SHOC2: variants seen among roughly 807,000 people sequenced by gnomAD.
SHOC2 encodes SHOC2 leucine rich repeat scaffold protein.
A neutral mutation model predicts 50.2 loss-of-function variants in SHOC2; 4 were observed. The ratio of observed to expected loss-of-function variants is 0.08; its 90% confidence interval spans 0.04 to 0.18. The LOEUF is 0.18. SHOC2 is among the 10% of genes least tolerant of loss of function. The pLI is 1.00. For missense variants in SHOC2, 388 were observed against 669.6 expected (o/e 0.58, Z 4.64); for synonymous variants, 218 against 244.5 (o/e 0.89, Z 1.01).
chr10:110,946,769 G>A (rs1459041072), intron 1 of SHOC2, among the ~76,000 whole-genome samples: 1 of 152,128 alleles, frequency 6.6e-6, no homozygotes, highest in African/African-American at 2.4e-5. Flanking sequence ...AAGTGTAGGG[G>A]CTAGATCATG....
At chr10:110,977,531 C>G (rs1341739989) in intron 2 of SHOC2, among the ~76,000 whole-genome samples, 1 of 152,176 alleles carries the variant, frequency 6.6e-6, no homozygotes, top group African/African-American at 2.4e-5. Flanking sequence ...AGGCGTGAGC[C>G]ACCGTACCCA....
At chr10:110,939,417 C>T (rs1203752441) in intron 1 of SHOC2, among the ~76,000 whole-genome samples, 5 of 151,930 alleles carry the variant, frequency 3.3e-5, no homozygotes, top group African/African-American at 1.2e-4. Flanking sequence ...ATAGGGTTTC[C>T]TTATGTTGCC....
At chr10:110,957,309 C>T (rs1399243698) in intron 1 of SHOC2, among the ~76,000 whole-genome samples, 2 of 152,128 alleles carry the variant, frequency 1.3e-5, no homozygotes, top group Admixed American at 6.6e-5. Context: ...TAAATCAGCT[C>T]ATTTCTTTAC....
At chr10:110,947,504 C>T (rs926904627) in intron 1 of SHOC2, among the ~76,000 whole-genome samples, 9 of 152,104 alleles carry the variant, frequency 5.9e-5, no homozygotes, top group South Asian at 2.1e-4. Flanking sequence ...ATCAGGGAAA[C>T]GTGACACCAT....
intron 5 of SHOC2, among the ~76,000 whole-genome samples, chr10:111,005,716 G>C (rs1159316354): frequency 1.3e-5 from 2 of 152,108 alleles, no homozygotes; most frequent in Non-Finnish European, 2.9e-5. Context: ...ATTGCAAAAG[G>C]AGAAAACAAA....
intron 1 of SHOC2, among the ~76,000 whole-genome samples, chr10:110,935,139 CACTT>C (rs534681075): frequency 4.0e-4 from 61 of 152,272 alleles, no homozygotes; most frequent in Middle Eastern, 6.8e-3. Flanking sequence ...TAATATCTAA[CACTT>C]ACGTAGTGCT....
chr10:110,922,979 G>A (rs541928390), intron 1 of SHOC2, among the ~76,000 whole-genome samples: 2 of 152,130 alleles, frequency 1.3e-5, no homozygotes, highest in South Asian at 4.1e-4. Flanking sequence ...CTTGTTGGTA[G>A]ACCTGTATTT....
chr10:110,964,848 T>C lies in SHOC2; in HGVS notation c.490T>C (p.Ser164Pro). The C allele has an allele frequency of 6.2e-7, 1 of 1,614,056 alleles. No homozygotes were observed. Among genetic ancestry groups the C allele is most frequent in the Non-Finnish European group, 8.5e-7 (1 of 1,179,956 alleles). ...AAATTCACTTACCAGTTTGCCTGAC[T>C]CTCTTGATAACTTGAAGAAGCTGCG... is the stretch of plus-strand genomic sequence containing the variant. ...SENSLTSLPDSLDNLKKLRML... is the reference protein window; with the variant it reads ...SENSLTSLPDPLDNLKKLRML... Residue 164 changes from serine (S) to proline (P), a missense_variant, in exon 2 of 9, where the codon TCT becomes CCT. Coordinates refer to ENST00000369452, the MANE Select transcript of SHOC2 (RefSeq NM_007373.4). The surrounding 1 kb of genome is among the most constrained non-coding windows in gnomAD (Gnocchi z 4.9).
chr10:110,953,049 T>C (rs1847386502), intron 1 of SHOC2, among the ~76,000 whole-genome samples: 1 of 152,226 alleles, frequency 6.6e-6, no homozygotes, highest in South Asian at 2.1e-4. Context: ...GTCTTTATAT[T>C]AGAATGATTT....
chr10:111,008,783 A>G (rs1280369346), intron 6 of SHOC2, among the ~76,000 whole-genome samples: 2 of 152,100 alleles, frequency 1.3e-5, no homozygotes, highest in African/African-American at 4.8e-5. Context: ...ACTTTATCGG[A>G]ACAAAGGCTA....
In SHOC2 at chr10:110,964,928, G is replaced by A. The variant is rs977995849; in HGVS notation, c.570G>A (p.Arg190=). 1.2e-6 allele frequency: 2 copies of A among 1,613,558 alleles called. No homozygotes were observed. Among genetic ancestry groups the A allele is most frequent in the African/African-American group, 2.7e-5 (2 of 74,868 alleles). The part of the protein sequence containing the change: ...KLREIPSVVY[R]LDSLTTLYLR... ...GAGAAATTCCTTCAGTGGTGTATAG[G>A]CTGGATTCTCTCACCACTCTTTACC... The change falls in exon 2 of 9, where the codon AGG becomes AGA. Residue 190 remains arginine (R), a synonymous_variant. Transcript: ENST00000369452. The surrounding 1 kb of genome is among the most constrained non-coding windows in gnomAD (Gnocchi z 4.9).
At chr10:110,974,807 CGT>C (rs2134134201) in intron 2 of SHOC2, among the ~76,000 whole-genome samples, 1 of 152,218 alleles carries the variant, frequency 6.6e-6, no homozygotes, top group South Asian at 2.1e-4. Flanking sequence ...TTCCATTCTT[CGT>C]ACAATTATTG....
chr10:111,013,039 T>C lies in SHOC2; in HGVS notation c.*1221T>C, dbSNP rs1848596165. The C allele has an allele frequency of 6.6e-6, 1 of 152,650 alleles. No homozygotes were observed. The highest frequency in any genetic ancestry group is 1.5e-5 in the Non-Finnish European group (1 of 68,034). 9.5% of individuals were successfully genotyped at this position (152,650 alleles called of 1,614,324 possible). ...ATTACTTTTAATCTCATCTTTCCTT[T>C]CTTGGTAGTTGTTAATACAGTTATG... is the stretch of plus-strand genomic sequence containing the variant. On this transcript the variant is annotated 3_prime_UTR_variant, in exon 9 of 9. Coordinates refer to ENST00000369452, the MANE Select transcript of SHOC2 (RefSeq NM_007373.4).
intron 1 of SHOC2, among the ~76,000 whole-genome samples, chr10:110,944,767 T>C (rs774604908): frequency 2.1e-4 from 32 of 152,248 alleles, no homozygotes; most frequent in Non-Finnish European, 4.1e-4. Context: ...CCTCAGTAGA[T>C]AATTCAGTCT....
intron 2 of SHOC2, among the ~76,000 whole-genome samples, chr10:110,969,426 A>T (rs1347009034): frequency 6.6e-6 from 1 of 152,132 alleles, no homozygotes. Context: ...TTCTCTGTTT[A>T]TGAGTGGATT....
intron 2 of SHOC2, among the ~76,000 whole-genome samples, chr10:110,975,964 G>A (rs1018243781): frequency 1.3e-5 from 2 of 151,848 alleles, no homozygotes; most frequent in Admixed American, 1.3e-4. Context: ...AGGCTGGAGT[G>A]CAATGGCGCA....
chr10:111,001,140 T>C (rs953720110), intron 4 of SHOC2, among the ~76,000 whole-genome samples: 3 of 150,276 alleles, frequency 2.0e-5, no homozygotes, highest in African/African-American at 7.3e-5. Flanking sequence ...TAGGGATTAA[T>C]TGGGTAAGAT....
intron 3 of SHOC2, among the ~76,000 whole-genome samples, chr10:110,986,259 G>T (rs79632460): frequency 0.021 from 3,251 of 152,126 alleles, 123 homozygotes; most frequent in African/African-American, 0.075. Context: ...TAGCCAAATT[G>T]CAAAAAATTG....
At chr10:110,941,289 G>A (rs1847139402) in intron 1 of SHOC2, among the ~76,000 whole-genome samples, 1 of 151,430 alleles carries the variant, frequency 6.6e-6, no homozygotes. Context: ...ATGTCTGCCT[G>A]AGTCTTTGCC....
Sources: gnomAD v4.1 joint callset for allele counts (sites outside exome capture counted in the v4.1 genomes callset) on GRCh38, gnomAD v4.1.1 for gene constraint, Gnocchi (gnomAD v3.1) non-coding constraint, MANE v1.5 for transcripts, NCBI Gene and HGNC (gene_info 2026-07-23, HGNC 2026-07-21) for gene names.